SGSH: variants seen among roughly 807,000 people sequenced by gnomAD.
SGSH encodes the protein N-sulfoglucosamine sulfohydrolase.
Under a neutral mutation model 51.0 loss-of-function variants are expected in SGSH, and 48 were observed. The ratio of observed to expected loss-of-function variants is 0.94; its 90% CI spans 0.75 to 1.20. The LOEUF is 1.20. SGSH is among the 50% of genes most tolerant of loss of function. The pLI, the probability that SGSH is intolerant of heterozygous loss-of-function variation, is 0.00. For missense variants in SGSH, 662 were observed against 717.8 expected, an observed-to-expected ratio of 0.92 and a Z score of 0.89; for synonymous variants, 321 against 313.4, an observed-to-expected ratio of 1.02 and a Z score of -0.26.
chr17:80,214,794 T>C (rs1421353243), intron 3 of SGSH, 29 bp from the exon 4 acceptor site: 2 of 1,605,744 alleles, frequency 1.2e-6, no homozygotes, highest in South Asian at 1.1e-5. Context: ...CTGGCCAGAG[T>C]CCCTTCAGCC....
intron 1 of SGSH, chr17:80,219,852 G>A (rs1208759911): frequency 3.8e-5 from 8 of 209,580 alleles, no homozygotes; most frequent in Non-Finnish European, 7.6e-5. Flanking sequence ...GAGCCAGGAG[G>A]GCACCCTGTC....
rs912449935 is a variant in SGSH, at chr17:80,213,953, C to T, written c.664-68G>A. 6.8e-7 allele frequency: 1 copy of T among 1,471,994 alleles called. No individual in the cohort carries two copies. Among genetic ancestry groups the T allele is most frequent in the African/African-American group, 1.4e-5 (1 of 72,712 alleles). The allele number at this position is 1,471,994 out of a possible 1,614,324, so 91.2% of individuals were successfully genotyped here. A position where few individuals can be genotyped will look rare whatever the true frequency, so the allele number is the denominator to read the frequency against. On this transcript the variant is annotated intron_variant, in intron 5 of 7. Transcript: ENST00000326317. The surrounding 1 kb of genome is among the most constrained non-coding windows in gnomAD (Gnocchi z 4.6). ...GGGGGAGCGGTGTCCAGCCTTCTCC[C>T]CGGGGCCTCCTGCAAATGGGTTAGC... is the stretch of plus-strand genomic sequence containing the variant.
chr17:80,217,655 G>A (rs1409753903), intron 1 of SGSH, among the ~76,000 whole-genome samples: 2 of 146,628 alleles, frequency 1.4e-5, no homozygotes, highest in African/African-American at 5.5e-5. Context: ...TATGTTGGCA[G>A]GTGAGCATGG....
At position 80,212,032 on chromosome 17, in the gene SGSH, C is replaced by T. The variant is rs1458975116; in HGVS notation, c.949+39G>A. 1.9e-6 allele frequency: 3 copies of T among 1,572,930 alleles called. No individual in the cohort carries two copies. The African/African-American group carries it at 4.0e-5, about 21-fold the overall frequency. Reference sequence around the variant, plus strand: ...AGGTCATGGCCCCGTCCCAGATCCACTCCCACACCTTTCCTGACGGAGACA... The same window carrying T: ...AGGTCATGGCCCCGTCCCAGATCCATTCCCACACCTTTCCTGACGGAGACA... On this transcript the variant is annotated intron_variant, in intron 7 of 7. Coordinates refer to ENST00000326317, the MANE Select transcript of SGSH (RefSeq NM_000199.5). The surrounding 1 kb of genome is among the most constrained non-coding windows in gnomAD (Gnocchi z 5.9).
At chr17:80,205,867 C>G, downstream of SGSH, 1 of 474,758 alleles carries the variant, frequency 2.1e-6, no homozygotes, top group Non-Finnish European at 3.7e-6. Flanking sequence ...CTCCTTGAAT[C>G]TCAGTTTCCT....
chr17:80,205,651 AG>A (rs1328488635), downstream of SGSH: 2 of 971,234 alleles, frequency 2.1e-6, no homozygotes, highest in East Asian at 4.7e-5. Context: ...CTCATGGAAA[AG>A]GTGAGGTCAA....
chr17:80,212,466 T>G lies in SGSH; in HGVS notation c.746-192A>C. ...CTTGCCCAGCTCCGCCCAGCTCCCA[T>G]TCCCTGAGCAGGCCTCGAATGGGCC... is the stretch of plus-strand genomic sequence containing the variant. On this transcript the variant is annotated intron_variant, in intron 6 of 7. Coordinates refer to ENST00000326317, the MANE Select transcript of SGSH (RefSeq NM_000199.5). The surrounding 1 kb of genome is among the most constrained non-coding windows in gnomAD (Gnocchi z 5.9). 2.7e-5 allele frequency: 17 copies of G among 631,688 alleles called. No homozygotes were observed. The highest frequency in any genetic ancestry group is 3.6e-5 in the African/African-American group (2 of 55,798). 39.1% of individuals were successfully genotyped at this position (631,688 alleles called of 1,614,324 possible). A position where few individuals can be genotyped will look rare whatever the true frequency, so the allele number is the denominator to read the frequency against.
At chr17:80,208,494 C>T, downstream of SGSH, 1 of 662,628 alleles carries the variant, frequency 1.5e-6, no homozygotes, top group Non-Finnish European at 2.5e-6. Context: ...ACCTTGAACC[C>T]TCACCACGTG....
downstream of SGSH, chr17:80,205,054 G>C (rs2041211247): frequency 6.2e-7 from 1 of 1,603,032 alleles, no homozygotes; most frequent in East Asian, 2.2e-5. Context: ...CGTGCTTCTG[G>C]GCCGAGAGCT....
chr17:80,213,848 G>C lies in SGSH; in HGVS notation c.701C>G (p.Ala234Gly), dbSNP rs113641837. The C allele has an allele frequency of 6.5e-4, 1,040 of 1,608,594 alleles. 9 individuals carry two copies. The African/African-American group carries it at 0.012, about 18-fold the overall frequency. ...YFVPNTPAARADLAAQYTTVG... is the reference protein window; with the variant it reads ...YFVPNTPAARGDLAAQYTTVG... Reference sequence around the variant, plus strand: ...GGTGGTGTACTGAGCGGCCAGGTCGGCTCGGGCTGCCGGGGTGTTGGGGAC... The same window carrying C: ...GGTGGTGTACTGAGCGGCCAGGTCGCCTCGGGCTGCCGGGGTGTTGGGGAC... Residue 234 changes from alanine to glycine, a missense_variant, in exon 6 of 8, where the codon GCC becomes GGC. Transcript: ENST00000326317. This position sits in a 1 kb window ranked among gnomAD's most constrained non-coding sequence, Gnocchi z 4.6.
At chr17:80,208,658 G>C, downstream of SGSH, 1 of 290,850 alleles carries the variant, frequency 3.4e-6, no homozygotes, top group Non-Finnish European at 6.4e-6. Flanking sequence ...CCCTAGAACC[G>C]GAGGCCCCGG....
At chr17:80,205,689 T>G (rs550611489), downstream of SGSH, 14 of 1,512,508 alleles carry the variant, frequency 9.3e-6, no homozygotes, top group Non-Finnish European at 1.2e-5. Flanking sequence ...GGAGCTGTCC[T>G]GGGAAGGGTT....
rs1201740438 is a variant in SGSH at position 80,220,315 on chromosome 17, G to A, written c.-2C>T. The stretch of plus-strand genomic sequence containing the variant: ...GCAGGCGGGCACGGGGCAGCTCATG[G>A]CGGCGGCGGCTCGGACTCGGGATCG... On this transcript the variant is annotated 5_prime_UTR_variant, in exon 1 of 8. Transcript: ENST00000326317. 1 of 1,489,200 alleles carries A rather than the reference G, an allele frequency of 6.7e-7. No individual in the cohort carries two copies. The highest frequency in any genetic ancestry group is 8.9e-7 in the Non-Finnish European group (1 of 1,125,630). 92.2% of individuals were successfully genotyped at this position (1,489,200 alleles called of 1,614,324 possible).
At position 80,210,072 on chromosome 17, in the gene SGSH, G is replaced by A; in HGVS notation, c.*380C>T. ...TGCCAAAGCCTGAAGAGGGCCTCAG[G>A]CCTCCCATTTGCAGGTCCCCAAACC... On this transcript the variant is annotated 3_prime_UTR_variant, in exon 8 of 8. Coordinates refer to ENST00000326317, the MANE Select transcript of SGSH (RefSeq NM_000199.5). 5.3e-6 allele frequency: 6 copies of A among 1,122,134 alleles called. No homozygotes were observed. Among genetic ancestry groups the A allele is most frequent in the Admixed American group, 4.5e-5 (1 of 22,332 alleles). 69.5% of individuals were successfully genotyped at this position (1,122,134 alleles called of 1,614,324 possible). A position where few individuals can be genotyped will look rare whatever the true frequency, so the allele number is the denominator to read the frequency against.
chr17:80,219,789 C>T (rs2042067692), intron 1 of SGSH: 1 of 161,556 alleles, frequency 6.2e-6, no homozygotes, highest in African/African-American at 2.4e-5. Flanking sequence ...AGGGCTGTGC[C>T]CTTGGGATAA....
In SGSH at chr17:80,215,043, A is replaced by G. The variant is rs920720873; in HGVS notation, c.345T>C (p.Gly115=). 2 of 1,610,814 alleles carry G rather than the reference A, an allele frequency of 1.2e-6. No individual in the cohort carries two copies. Among genetic ancestry groups the G allele is most frequent in the Admixed American group, 3.3e-5 (2 of 60,022 alleles). Reference sequence around the variant, plus strand: ...GCACGGGGTCCTCACCTGTGCGCACACCAGCTTGGCTGAGCAGCAGCGGCA... The same window carrying G: ...GCACGGGGTCCTCACCTGTGCGCACGCCAGCTTGGCTGAGCAGCAGCGGCA... ...RSLPLLLSQA[G]VRTGIIGKKH... Residue 115 remains glycine, a synonymous_variant, in exon 3 of 8, where the codon GGT becomes GGC. Transcript: ENST00000326317.
At position 80,213,920 on chromosome 17, in the gene SGSH, G is replaced by C; in HGVS notation, c.664-35C>G. 6.6e-7 allele frequency: 1 copy of C among 1,511,442 alleles called. No individual in the cohort carries two copies. Among genetic ancestry groups the C allele is most frequent in the Non-Finnish European group, 9.0e-7 (1 of 1,112,012 alleles). The allele number at this position is 1,511,442 out of a possible 1,614,324, so 93.6% of individuals were successfully genotyped here. ...GCGGTGGGGAGCCAGGCTTAGAACA[G>C]ACAGACCGGGGGAGCGGTGTCCAGC... On this transcript the variant is annotated intron_variant, in intron 5 of 7. Coordinates refer to ENST00000326317, the MANE Select transcript of SGSH (RefSeq NM_000199.5). The surrounding 1 kb of genome is among the most constrained non-coding windows in gnomAD (Gnocchi z 4.6).
chr17:80,201,845 CCTGT>C (rs1162972306), downstream of SGSH: 2 of 1,613,796 alleles, frequency 1.2e-6, no homozygotes, highest in Admixed American at 1.7e-5. This position sits in a 1 kb window ranked among gnomAD's most constrained non-coding sequence, Gnocchi z 5.0. Context: ...GCTTCTGCTG[CCTGT>C]CTGTGAAGGT....
rs1410465580 is a variant in SGSH, at chr17:80,212,826, G to A, written c.746-552C>T. 1 of 190,680 alleles carries A rather than the reference G, an allele frequency of 5.2e-6. No individual in the cohort carries two copies. Among genetic ancestry groups the A allele is most frequent in the Non-Finnish European group, 1.1e-5 (1 of 90,100 alleles). The allele number at this position is 190,680 out of a possible 1,614,324, so 11.8% of individuals were successfully genotyped here. ...TCTTGTTTGGAAAGGGGAACTTCAC[G>A]AATAAAGATCTTGGGACAAAATCAT... On this transcript the variant is annotated intron_variant, in intron 6 of 7. Transcript: ENST00000326317. The surrounding 1 kb of genome is among the most constrained non-coding windows in gnomAD (Gnocchi z 5.9).
Sources: allele counts gnomAD v4.1 joint callset (sites outside exome capture counted in the v4.1 genomes callset), GRCh38; gene constraint gnomAD v4.1.1; non-coding constraint Gnocchi (gnomAD v3.1); transcripts MANE v1.5; gene names NCBI Gene and HGNC (gene_info 2026-07-23, HGNC 2026-07-21).